Variants in ASL observed in about 807,000 individuals in gnomAD.
ASL encodes argininosuccinate lyase, also known as argininosuccinase.
In ASL, 51 loss-of-function variants were observed where a neutral mutation model predicts 69.1. That is an observed-to-expected ratio of 0.74 (90% CI 0.59 to 0.93). The LOEUF is 0.93. ASL is among the 40% of genes least tolerant of loss of function. ASL has a pLI of 0.00. For synonymous variants in ASL, 241 were observed against 247.6 expected (o/e 0.97, Z 0.25); for missense variants, 540 against 623.9 (o/e 0.87, Z 1.43).
intron 9 of ASL, 171 bp downstream of exon 9, chr7:66,087,557 C>A: frequency 1.0e-6 from 1 of 990,870 alleles, no homozygotes; most frequent in Non-Finnish European, 1.5e-6. Flanking sequence ...GGCAGGGATG[C>A]CTGGTACTGA....
chr7:66,077,942 C>T (rs1786395231), intron 2 of ASL, among the ~76,000 whole-genome samples: 1 of 152,080 alleles, frequency 6.6e-6, no homozygotes, highest in Non-Finnish European at 1.5e-5. Context: ...AGGGGAGGCA[C>T]CTCACTCTGA....
chr7:66,085,247 C>T (rs546762443), intron 6 of ASL, among the ~76,000 whole-genome samples: 1 of 152,134 alleles, frequency 6.6e-6, no homozygotes, highest in Admixed American at 6.6e-5. Flanking sequence ...AAGGCTGAGG[C>T]GGGTGAATCA....
Position 66,083,097 on chromosome 7 carries a change from G to A in ASL, c.369G>A (p.Leu123=), listed in dbSNP as rs968632275. ...CACAGGTGGTCACAGACCTCAGGCT[G>A]TGGATGCGGCAGACCTGCTCCACGC... is the stretch of plus-strand genomic sequence containing the variant. The part of the protein sequence containing the change: ...RNDQVVTDLR[L]WMRQTCSTLS... The change falls in exon 6 of 17, where the codon CTG becomes CTA. Residue 123 remains leucine (L), a synonymous_variant. Coordinates refer to ENST00000304874, the MANE Select transcript of ASL (RefSeq NM_000048.4). The A allele has an allele frequency of 8.1e-6, 13 of 1,613,780 alleles. No individual in the cohort carries two copies. The highest frequency in any genetic ancestry group is 4.0e-5 in the African/African-American group (3 of 74,922).
At chr7:66,085,735 A>C (rs1270740123) in intron 6 of ASL, among the ~76,000 whole-genome samples, 1 of 151,794 alleles carries the variant, frequency 6.6e-6, no homozygotes, top group Non-Finnish European at 1.5e-5. Flanking sequence ...AGCCCTCCTG[A>C]GTAGCTGGAA....
chr7:66,081,732 A>G, intron 2 of ASL, 71 bp from the exon 3 acceptor site: 1 of 1,540,578 alleles, frequency 6.5e-7, no homozygotes, highest in East Asian at 2.3e-5. Context: ...TAAGTTTCCC[A>G]AAGACTCTTT....
chr7:66,079,926 T>A (rs770072008), intron 2 of ASL, among the ~76,000 whole-genome samples: 4 of 151,916 alleles, frequency 2.6e-5, no homozygotes, highest in Non-Finnish European at 5.9e-5. Flanking sequence ...TCCTATAAAA[T>A]TTTAAAAAAA....
At chr7:66,087,581 C>T (rs972210426) in intron 9 of ASL, 148 bp from the exon 10 acceptor site, 114 of 975,258 alleles carry the variant, frequency 1.2e-4, no homozygotes, top group South Asian at 8.5e-4. Flanking sequence ...ACTCAGGGCT[C>T]CTGCCTCCCT....
Position 66,092,802 on chromosome 7 carries a change from G to A in ASL, c.1285G>A (p.Asp429Asn). 1 of 1,613,912 alleles carries A rather than the reference G, an allele frequency of 6.2e-7. No homozygotes were observed. Among genetic ancestry groups the A allele is most frequent in the East Asian group, 2.2e-5 (1 of 44,876 alleles). Residue 429 changes from aspartate (D) to asparagine (N), a missense_variant, in exon 17 of 17, where the codon GAC (aspartate) becomes AAC (asparagine). Coordinates refer to ENST00000304874, the MANE Select transcript of ASL (RefSeq NM_000048.4). ...CTCGGGCGACGTGATCTGCGTGTGG[G>A]ACTACGGGCACAGTGTGGAGCAGTA... The part of the protein sequence containing the change: ...LFSGDVICVW[D>N]YGHSVEQYGA...
At chr7:66,087,926 A>C in intron 10 of ASL, 135 bp downstream of exon 10, 15 of 1,148,252 alleles carry the variant, frequency 1.3e-5, no homozygotes, top group East Asian at 5.3e-5. Flanking sequence ...TAAACCTTAA[A>C]TGGGTAAAGT....
rs557593161 is a variant in ASL at position 66,089,412 on chromosome 7, G to A, written c.978+77G>A. On this transcript the variant is annotated intron_variant, in intron 13 of 16. Transcript: ENST00000304874. ...GCACACTCAGGCAGGGCCCCACCCC[G>A]GGATTGCCATACATCCTCCCATCCT... The A allele has an allele frequency of 4.4e-5, 67 of 1,537,416 alleles. 1 individual carries two copies. In the Admixed American group the frequency reaches 8.6e-4, roughly 20 times the overall value.
intron 2 of ASL, among the ~76,000 whole-genome samples, chr7:66,078,956 C>T (rs1482866822): frequency 6.6e-6 from 1 of 152,124 alleles, no homozygotes; most frequent in African/African-American, 2.4e-5. Flanking sequence ...GTCGCCCAGG[C>T]TGGAGTGCAG....
intron 6 of ASL, among the ~76,000 whole-genome samples, chr7:66,085,999 G>A (rs1680105504): frequency 6.6e-6 from 1 of 152,192 alleles, no homozygotes; most frequent in African/African-American, 2.4e-5. Context: ...GAGACAGGAG[G>A]ATCGCTTGAG....
At position 66,086,567 on chromosome 7, in the gene ASL, G is replaced by T; in HGVS notation, c.447-18G>T. 6.2e-7 allele frequency: 1 copy of T among 1,612,876 alleles called. No individual in the cohort carries two copies. On this transcript the variant is annotated intron_variant, in intron 6 of 16. Transcript: ENST00000304874. The stretch of plus-strand genomic sequence containing the variant: ...TGCATGAGCCTCCACCCGAGCTTCT[G>T]CTCCTCCTCTCCCACAGGGAACGTG...
At chr7:66,078,996 G>A (rs1427371682) in intron 2 of ASL, among the ~76,000 whole-genome samples, 3 of 151,994 alleles carry the variant, frequency 2.0e-5, no homozygotes, top group South Asian at 2.1e-4. Flanking sequence ...TGCAAGCTCC[G>A]CCTCCCGGGT....
rs779113051 is a variant in ASL at position 66,087,793 on chromosome 7, T to C, written c.718+2T>C. ...CCACTAGTGAGCGGGACTTTGTGGG[T>C]GAGTCCTGGGGAGCCAGTCCCCTGC... On this transcript the variant is annotated splice_donor_variant, in intron 10 of 16. Transcript: ENST00000304874. LOFTEE classifies it high-confidence loss of function. 1.9e-6 allele frequency: 3 copies of C among 1,614,136 alleles called. No homozygotes were observed. Among genetic ancestry groups the C allele is most frequent in the Non-Finnish European group, 2.5e-6 (3 of 1,180,014 alleles).
chr7:66,082,437 G>A lies in ASL; in HGVS notation c.277G>A (p.Glu93Lys). Residue 93 changes from glutamate (E) to lysine (K), a missense_variant, in exon 4 of 17, where the codon GAG becomes AAG. Coordinates refer to ENST00000304874, the MANE Select transcript of ASL (RefSeq NM_000048.4). Reference sequence around the variant, plus strand: ...TGATGAGGACATCCACACAGCCAATGAGCGCCGCCTGAAGGTACGACCCCT... The same window carrying A: ...TGATGAGGACATCCACACAGCCAATAAGCGCCGCCTGAAGGTACGACCCCT... ...SNDEDIHTAN[E>K]RRLKELIGAT... The A allele has an allele frequency of 6.2e-7, 1 of 1,610,638 alleles. No individual in the cohort carries two copies. Among genetic ancestry groups the A allele is most frequent in the Non-Finnish European group, 8.5e-7 (1 of 1,179,352 alleles).
intron 10 of ASL, 95 bp from the exon 11 acceptor site, chr7:66,088,712 C>T (rs1375371832): frequency 9.5e-6 from 10 of 1,047,798 alleles, no homozygotes; most frequent in Non-Finnish European, 1.5e-5. Flanking sequence ...AAAATTTAGC[C>T]GGGTCCCCCC....
intron 8 of ASL, 31 bp from the exon 9 acceptor site, chr7:66,087,302 GC>G (rs1229370878): frequency 3.1e-6 from 5 of 1,595,948 alleles, no homozygotes; most frequent in East Asian, 2.2e-5. Flanking sequence ...CCTGCCAGGA[GC>G]CCTGGTCACC....
intron 13 of ASL, 135 bp from the exon 14 acceptor site, chr7:66,089,477 G>T: frequency 7.0e-7 from 1 of 1,427,278 alleles, no homozygotes; most frequent in Non-Finnish European, 9.7e-7. Context: ...TGAACTCTCT[G>T]CCCTTCCTTT....
Sources: gnomAD v4.1 joint callset for allele counts (sites outside exome capture counted in the v4.1 genomes callset) on GRCh38, gnomAD v4.1.1 for gene constraint, MANE v1.5 for transcripts, NCBI Gene and HGNC (gene_info 2026-07-23, HGNC 2026-07-21) for gene names.